PRKCE: variants seen among roughly 807,000 people sequenced by gnomAD.
PRKCE encodes the protein protein kinase C epsilon, also known as protein kinase C epsilon type.
In PRKCE, 16 loss-of-function variants were observed where a neutral mutation model predicts 85.4. The observed-to-expected ratio is 0.19, with a 90% CI of 0.13 to 0.28. The LOEUF is 0.28. PRKCE is among the 10% of genes least tolerant of loss of function. The pLI, the probability that PRKCE is intolerant of heterozygous loss-of-function variation, is 1.00. For synonymous variants in PRKCE, 388 were observed against 371.5 expected (o/e 1.04, Z -0.51); for missense variants, 573 against 975.2 (o/e 0.59, Z 5.49).
chr2:46,039,072 C>G (rs775755128), intron 10 of PRKCE, among the ~76,000 whole-genome samples: 7 of 152,170 alleles, frequency 4.6e-5, no homozygotes, highest in Non-Finnish European at 7.3e-5. Flanking sequence ...GAGACCCCAC[C>G]TCTGCTCAAA....
At chr2:46,043,166 T>C (rs910229916) in intron 10 of PRKCE, among the ~76,000 whole-genome samples, 4 of 152,136 alleles carry the variant, frequency 2.6e-5, no homozygotes, top group South Asian at 4.1e-4. Context: ...GCCAAAGTCA[T>C]GTTAAATAAA....
chr2:46,011,547 G>A (rs547579634), intron 10 of PRKCE, among the ~76,000 whole-genome samples: 135 of 152,226 alleles, frequency 8.9e-4, no homozygotes, highest in African/African-American at 3.2e-3. Context: ...TTGGTACACC[G>A]TTTCCCAGAG....
chr2:46,155,688 T>A lies in PRKCE; in HGVS notation c.1921-3918T>A, dbSNP rs1677125782. ...TCAGTAAATGGCACCCTGTCTTCCT[T>A]TCTAAACAGACCAGAAATGGGGTGC... On this transcript the variant is annotated intron_variant, in intron 13 of 14. Transcript: ENST00000306156. This position sits in a 1 kb window ranked among gnomAD's most constrained non-coding sequence, Gnocchi z 4.7. 6.6e-6 allele frequency among the ~76,000 whole-genome samples: 1 copy of A among 152,284 alleles called. No individual in the cohort carries two copies. The highest frequency in any genetic ancestry group is 2.1e-4 in the South Asian group (1 of 4,824).
At position 46,139,791 on chromosome 2, in the gene PRKCE, T is replaced by C. The variant is rs1463760955; in HGVS notation, c.1593-5302T>C. Among the ~76,000 whole-genome samples the C allele has an allele frequency of 1.3e-5, 2 of 152,212 alleles. No individual in the cohort carries two copies. Among genetic ancestry groups the C allele is most frequent in the Non-Finnish European group, 2.9e-5 (2 of 67,998 alleles). ...GGAAAGAAAAAGAAGAGTAAGGCTCTTCCTTTTAAGGAGACTTCCACATAT... is the reference window on the plus strand; with the variant it reads ...GGAAAGAAAAAGAAGAGTAAGGCTCCTCCTTTTAAGGAGACTTCCACATAT... On this transcript the variant is annotated intron_variant, in intron 11 of 14. Coordinates refer to ENST00000306156, the MANE Select transcript of PRKCE (RefSeq NM_005400.3). The surrounding 1 kb of genome is among the most constrained non-coding windows in gnomAD (Gnocchi z 5.2).
intron 14 of PRKCE, among the ~76,000 whole-genome samples, chr2:46,168,321 CT>C (rs1678549059): frequency 6.6e-6 from 1 of 152,220 alleles, no homozygotes; most frequent in South Asian, 2.1e-4. Context: ...ACACATACAA[CT>C]CACCTGGGAG....
intron 14 of PRKCE, among the ~76,000 whole-genome samples, chr2:46,178,421 A>G (rs1679649813): frequency 6.6e-6 from 1 of 152,370 alleles, no homozygotes; most frequent in Non-Finnish European, 1.5e-5. Context: ...AGAAGGGATG[A>G]CAGATGATTA....
At chr2:46,178,357 T>C (rs948878080) in intron 14 of PRKCE, among the ~76,000 whole-genome samples, 4 of 152,226 alleles carry the variant, frequency 2.6e-5, no homozygotes, top group African/African-American at 9.6e-5. Flanking sequence ...CTGTTTACTG[T>C]AAAGAAAATC....
chr2:46,052,175 C>G (rs116265322), intron 10 of PRKCE, among the ~76,000 whole-genome samples: 189 of 152,306 alleles, frequency 1.2e-3, no homozygotes, highest in Middle Eastern at 3.4e-3. Context: ...GTAGTTGAGT[C>G]TACCTAAGAT....
intron 2 of PRKCE, among the ~76,000 whole-genome samples, chr2:45,965,717 T>A (rs1701686733): frequency 6.6e-6 from 1 of 152,262 alleles, no homozygotes; most frequent in Admixed American, 6.5e-5. Context: ...ATTTTTAGGA[T>A]GAATAGCTTA....
chr2:45,727,717 C>T (rs1465791060), intron 1 of PRKCE, among the ~76,000 whole-genome samples: 3 of 152,058 alleles, frequency 2.0e-5, no homozygotes, highest in African/African-American at 4.8e-5. Flanking sequence ...TGCAGTGGTG[C>T]GATCTCGGCT....
intron 2 of PRKCE, among the ~76,000 whole-genome samples, chr2:45,963,615 A>T (rs1701533253): frequency 6.6e-6 from 1 of 151,904 alleles, no homozygotes; most frequent in Non-Finnish European, 1.5e-5. Flanking sequence ...GGCCATCTTT[A>T]CCTCTTTTAT....
chr2:45,890,306 G>A (rs1695625563), intron 2 of PRKCE, among the ~76,000 whole-genome samples: 1 of 152,042 alleles, frequency 6.6e-6, no homozygotes, highest in African/African-American at 2.4e-5. Context: ...CTTTCCCTCG[G>A]ATTATTTTGA....
intron 14 of PRKCE, among the ~76,000 whole-genome samples, chr2:46,180,110 G>T (rs980880126): frequency 6.6e-6 from 1 of 152,192 alleles, no homozygotes; most frequent in African/African-American, 2.4e-5. Flanking sequence ...TCCTCAGTGT[G>T]GTGAGTACTA....
At chr2:45,680,912 C>T (rs1299361404) in intron 1 of PRKCE, among the ~76,000 whole-genome samples, 2 of 152,160 alleles carry the variant, frequency 1.3e-5, no homozygotes, top group Admixed American at 1.3e-4. Flanking sequence ...TACTGTGTTC[C>T]AGGCCACCAG....
At chr2:45,735,223 A>G (rs1217350821) in intron 1 of PRKCE, among the ~76,000 whole-genome samples, 3 of 152,230 alleles carry the variant, frequency 2.0e-5, no homozygotes, top group African/African-American at 7.2e-5. Flanking sequence ...CAAGTCTGCC[A>G]TATCTCCCAC....
rs143828979 is a variant in PRKCE at position 45,754,123 on chromosome 2, A to T, written c.349-88877A>T. 3.8e-4 allele frequency among the ~76,000 whole-genome samples: 58 copies of T among 152,316 alleles called. No homozygotes were observed. The East Asian group carries it at 9.8e-3, about 26-fold the overall frequency. Reference sequence around the variant, plus strand: ...AGTGAGCTGGGGCTAGCTAGTTGCAACAAGTGACCCAGAGCTGTTGAAATG... The same window carrying T: ...AGTGAGCTGGGGCTAGCTAGTTGCATCAAGTGACCCAGAGCTGTTGAAATG... On this transcript the variant is annotated intron_variant, in intron 1 of 14. Transcript: ENST00000306156.
At chr2:45,729,602 C>T (rs1046008416) in intron 1 of PRKCE, among the ~76,000 whole-genome samples, 2 of 152,116 alleles carry the variant, frequency 1.3e-5, no homozygotes, top group African/African-American at 2.4e-5. Flanking sequence ...ATTTTTACAC[C>T]GTTTTGAAGG....
chr2:45,953,001 G>A (rs189994882), intron 2 of PRKCE, among the ~76,000 whole-genome samples: 87 of 152,276 alleles, frequency 5.7e-4, no homozygotes, highest in African/African-American at 1.5e-3. Context: ...GGTCAAGCCC[G>A]TTGCCTTTCT....
At chr2:46,000,599 C>T (rs1704598489) in intron 6 of PRKCE, among the ~76,000 whole-genome samples, 1 of 148,482 alleles carries the variant, frequency 6.7e-6, no homozygotes, top group Admixed American at 6.7e-5. Flanking sequence ...ACACTGAAAT[C>T]CTGAGATTTT....
Sources: gnomAD v4.1 joint callset for allele counts (sites outside exome capture counted in the v4.1 genomes callset) on GRCh38, gnomAD v4.1.1 for gene constraint, Gnocchi (gnomAD v3.1) non-coding constraint, MANE v1.5 for transcripts, NCBI Gene and HGNC (gene_info 2026-07-23, HGNC 2026-07-21) for gene names.